Variants in CUBN observed in about 807,000 individuals in gnomAD.
The protein encoded by CUBN is 460 kDa receptor.
Under a neutral mutation model 405.3 loss-of-function variants are expected in CUBN, and 282 were observed. The observed-to-expected ratio is 0.70, with a 90% CI of 0.63 to 0.77. CUBN has a LOEUF of 0.77. CUBN is among the 30% of genes least tolerant of loss of function. CUBN has a pLI of 0.00. For missense variants in CUBN, 4,514 were observed against 4,475.2 expected (o/e 1.01, Z -0.25); for synonymous variants, 1,684 against 1,617.0 (o/e 1.04, Z -0.99).
rs573819519 is a variant in CUBN at position 17,045,148 on chromosome 10, T to C, written c.3531A>G (p.Ile1177Met). ...AATAGGGCATCGGGTAGTTGGGAGA[T>C]ATGAACGTGCCGCTTGAAGTGGTGA... Reference protein sequence around the residue: ...GNLTTSSGTFISPNYPMPYYH... With the variant: ...GNLTTSSGTFMSPNYPMPYYH... The change falls in exon 25 of 67, where the codon ATA (isoleucine) becomes ATG (methionine). Residue 1177 changes from isoleucine (I) to methionine (M), a missense_variant. This residue lies in a region of CUBN where 242 missense variants were observed against 309.0 expected (regional missense o/e 0.78). Transcript: ENST00000377833. The C allele has an allele frequency of 4.3e-6, 7 of 1,613,856 alleles. No homozygotes were observed. Among genetic ancestry groups the C allele is most frequent in the Non-Finnish European group, 5.1e-6 (6 of 1,179,934 alleles).
intron 6 of CUBN, among the ~76,000 whole-genome samples, chr10:17,119,362 C>T (rs1836980123): frequency 6.6e-6 from 1 of 152,026 alleles, no homozygotes; most frequent in African/African-American, 2.4e-5. Flanking sequence ...GTCTTAAATC[C>T]AAAGTAAGCA....
chr10:16,986,789 C>T (rs1833440226), intron 29 of CUBN, among the ~76,000 whole-genome samples: 1 of 152,190 alleles, frequency 6.6e-6, no homozygotes, highest in Admixed American at 6.5e-5. Flanking sequence ...ATGAAACTGA[C>T]AGCATGTGCT....
chr10:16,869,565 G>T (rs910664289), intron 59 of CUBN, 71 bp downstream of exon 59: 17 of 987,708 alleles, frequency 1.7e-5, no homozygotes, highest in African/African-American at 1.6e-4. Context: ...GGTGGGGGGG[G>T]GGCGGGGAAA....
chr10:17,129,787 A>G lies in CUBN; in HGVS notation c.-22T>C. ...TCATCAACCTCCCAGGTTGGCAGGT[A>G]AGAGTGAGGCCACTCCAACCAACTG... On this transcript the variant is annotated 5_prime_UTR_variant, in exon 1 of 67. Coordinates refer to ENST00000377833, the MANE Select transcript of CUBN (RefSeq NM_001081.4). 6.2e-7 allele frequency: 1 copy of G among 1,613,722 alleles called. No homozygotes were observed. The highest frequency in any genetic ancestry group is 1.1e-5 in the South Asian group (1 of 91,036).
intron 54 of CUBN, among the ~76,000 whole-genome samples, chr10:16,896,175 A>G (rs1446455011): frequency 6.6e-6 from 1 of 152,138 alleles, no homozygotes; most frequent in Non-Finnish European, 1.5e-5. Context: ...GGGCATTATA[A>G]TTTCTTGTTT....
intron 13 of CUBN, 115 bp downstream of exon 13, chr10:17,103,010 C>T (rs1836532988): frequency 1.4e-6 from 1 of 737,598 alleles, no homozygotes; most frequent in South Asian, 1.5e-5. Context: ...AGTAAGCACT[C>T]AATATATGAT....
intron 12 of CUBN, among the ~76,000 whole-genome samples, chr10:17,103,921 G>C (rs1041885266): frequency 6.6e-6 from 1 of 152,170 alleles, no homozygotes; most frequent in South Asian, 2.1e-4. Context: ...AAACTTGCTT[G>C]AGTGAAGTTA....
chr10:17,061,933 C>T (rs896317165), intron 22 of CUBN, among the ~76,000 whole-genome samples: 1 of 152,146 alleles, frequency 6.6e-6, no homozygotes, highest in Non-Finnish European at 1.5e-5. Context: ...AACCAATCAG[C>T]TATGTATTCT....
chr10:16,859,793 A>G (rs1288996198), intron 59 of CUBN, among the ~76,000 whole-genome samples: 1 of 152,222 alleles, frequency 6.6e-6, no homozygotes, highest in African/African-American at 2.4e-5. Context: ...AAGAAAAATA[A>G]CAGCAAGGGT....
intron 27 of CUBN, 101 bp from the exon 28 acceptor site, chr10:17,020,084 G>A: frequency 2.5e-5 from 34 of 1,347,754 alleles, no homozygotes; most frequent in Non-Finnish European, 3.6e-5. Context: ...TGGTTCAAAA[G>A]TTAGAGGTAA....
intron 53 of CUBN, among the ~76,000 whole-genome samples, 179 bp downstream of exon 53, chr10:16,900,446 T>C (rs992216768): frequency 1.3e-5 from 2 of 152,262 alleles, no homozygotes; most frequent in Non-Finnish European, 2.9e-5. Flanking sequence ...TCTCTGCCCA[T>C]GCAAAATAGA....
chr10:16,942,328 TAAA>T (rs1842673750), intron 36 of CUBN, among the ~76,000 whole-genome samples: 1 of 151,604 alleles, frequency 6.6e-6, no homozygotes, highest in Non-Finnish European at 1.5e-5. Flanking sequence ...CCAAAGAAAA[TAAA>T]AACACATGAC....
At chr10:17,050,417 G>A (rs918535400) in intron 22 of CUBN, among the ~76,000 whole-genome samples, 1 of 152,182 alleles carries the variant, frequency 6.6e-6, no homozygotes, top group Non-Finnish European at 1.5e-5. Context: ...GTGAATGACA[G>A]TCCTACTGAG....
intron 30 of CUBN, among the ~76,000 whole-genome samples, chr10:16,983,461 T>C (rs2131699413): frequency 6.6e-6 from 1 of 152,352 alleles, no homozygotes; most frequent in Admixed American, 6.5e-5. Flanking sequence ...AGCTTCAGTG[T>C]CCACACTGGT....
chr10:16,901,174 T>C (rs1178103300), intron 52 of CUBN, among the ~76,000 whole-genome samples, 164 bp downstream of exon 52: 11 of 152,236 alleles, frequency 7.2e-5, no homozygotes, highest in Non-Finnish European at 1.6e-4. Flanking sequence ...TAAATGCCAA[T>C]GTATGTGCTC....
chr10:17,034,826 T>C (rs1588600093), intron 27 of CUBN, among the ~76,000 whole-genome samples: 1 of 152,196 alleles, frequency 6.6e-6, no homozygotes, highest in African/African-American at 2.4e-5. Flanking sequence ...ACCTATGAGA[T>C]GTCTTGTTCC....
At chr10:17,044,978 G>A in intron 25 of CUBN, 29 bp downstream of exon 25, 1 of 1,604,170 alleles carries the variant, frequency 6.2e-7, no homozygotes, top group Non-Finnish European at 8.5e-7. Flanking sequence ...TGGGAGCAGG[G>A]AACAATATGA....
chr10:16,963,418 C>T (rs949621517), intron 31 of CUBN, among the ~76,000 whole-genome samples: 1 of 151,758 alleles, frequency 6.6e-6, no homozygotes, highest in Non-Finnish European at 1.5e-5. Context: ...AACTCCTGAC[C>T]TCAAGCAATC....
intron 60 of CUBN, among the ~76,000 whole-genome samples, chr10:16,850,478 T>G (rs1373917848): frequency 1.3e-5 from 2 of 152,168 alleles, no homozygotes; most frequent in African/African-American, 4.8e-5. Flanking sequence ...TTTTATTTAT[T>G]TATTTATTTT....
Sources: allele counts gnomAD v4.1 joint callset (sites outside exome capture counted in the v4.1 genomes callset), GRCh38; gene constraint gnomAD v4.1.1; regional missense constraint gnomAD v4.1.1; transcripts MANE v1.5; gene names NCBI Gene and HGNC (gene_info 2026-07-23, HGNC 2026-07-21).